The following HYCC1 variants were observed in gnomAD, a reference collection of about 807,000 sequenced individuals.
The protein encoded by HYCC1 is hyccin PI4KA lipid kinase complex subunit 1.
the HYCC1 span, among the ~76,000 whole-genome samples, chr7:22,926,034 T>C: frequency 2.6e-5 from 4 of 152,182 alleles, no homozygotes; most frequent in African/African-American, 9.7e-5. Context: ...TATTCAACAT[T>C]CTTAAAGAAA....
the HYCC1 span, among the ~76,000 whole-genome samples, chr7:22,980,795 G>A: frequency 1.3e-5 from 2 of 152,152 alleles, no homozygotes; most frequent in African/African-American, 2.4e-5. Context: ...GAGACTTTAT[G>A]TAGGTCTTTC....
chr7:22,899,316 G>T, the HYCC1 span, among the ~76,000 whole-genome samples: 2 of 152,186 alleles, frequency 1.3e-5, no homozygotes, highest in Non-Finnish European at 2.9e-5. Context: ...CTCCAAGGAA[G>T]TTGTACAGCA....
At chr7:22,961,423 T>C in the HYCC1 span, 1 of 697,204 alleles carries the variant, frequency 1.4e-6, no homozygotes, top group South Asian at 1.8e-5. Flanking sequence ...AAGATCATAT[T>C]AGCACATTGC....
the HYCC1 span, chr7:22,960,286 A>T: frequency 3.6e-5 from 58 of 1,613,702 alleles, no homozygotes; most frequent in Non-Finnish European, 4.7e-5. Flanking sequence ...CCCCTTATTG[A>T]CATGCTGGTT....
At chr7:22,969,911 G>A in the HYCC1 span, among the ~76,000 whole-genome samples, 1 of 152,156 alleles carries the variant, frequency 6.6e-6, no homozygotes, top group Admixed American at 6.5e-5. Context: ...GGGACATGTT[G>A]ACAGAGATGG....
the HYCC1 span, among the ~76,000 whole-genome samples, chr7:22,923,744 T>C: frequency 1.3e-5 from 2 of 152,004 alleles, no homozygotes; most frequent in East Asian, 1.9e-4. Context: ...AAAGGAAATT[T>C]AGGAATCAAA....
the HYCC1 span, chr7:22,985,734 T>C: frequency 1.3e-5 from 2 of 151,604 alleles, no homozygotes; most frequent in Admixed American, 6.6e-5. Flanking sequence ...AGTAACCTAA[T>C]ACTGGGGGAA....
At chr7:22,945,721 G>A in the HYCC1 span, 1 of 1,613,770 alleles carries the variant, frequency 6.2e-7, no homozygotes, top group Non-Finnish European at 8.5e-7. Context: ...AAAACCTATT[G>A]GCATCTGTCC....
chr7:22,961,271 G>A, the HYCC1 span: 1 of 1,608,562 alleles, frequency 6.2e-7, no homozygotes, highest in Non-Finnish European at 8.5e-7. Context: ...GCTGGGCTCT[G>A]TATATAATAT....
the HYCC1 span, among the ~76,000 whole-genome samples, chr7:23,012,960 T>C: frequency 6.6e-6 from 1 of 152,134 alleles, no homozygotes; most frequent in Admixed American, 6.6e-5. Flanking sequence ...AGATAAGAAG[T>C]AGCTGCCGGT....
At chr7:23,007,507 T>C in the HYCC1 span, among the ~76,000 whole-genome samples, 1 of 152,082 alleles carries the variant, frequency 6.6e-6, no homozygotes, top group African/African-American at 2.4e-5. Context: ...TTGTATTCAG[T>C]CCAAAAAGAC....
the HYCC1 span, chr7:22,985,744 A>G: frequency 3.3e-5 from 5 of 151,516 alleles, no homozygotes; most frequent in African/African-American, 7.2e-5. Flanking sequence ...TACTGGGGGA[A>G]TTTATATAAA....
chr7:22,941,737 A>C, the HYCC1 span: 2 of 152,202 alleles, frequency 1.3e-5, no homozygotes, highest in Non-Finnish European at 2.9e-5. Context: ...TCTCTGATGA[A>C]GAATTTAACA....
the HYCC1 span, chr7:23,013,965 G>T: frequency 8.5e-6 from 4 of 470,850 alleles, no homozygotes; most frequent in Non-Finnish European, 1.8e-5. Context: ...ACCTCGACTC[G>T]TGAGGCTCTC....
the HYCC1 span, chr7:22,991,284 C>T: frequency 5.3e-6 from 3 of 568,460 alleles, no homozygotes; most frequent in Non-Finnish European, 9.2e-6. Context: ...ATTTCAAAAC[C>T]AATGTGCACA....
chr7:22,928,971 T>C, the HYCC1 span, among the ~76,000 whole-genome samples: 1 of 152,136 alleles, frequency 6.6e-6, no homozygotes. Flanking sequence ...CAAAACAGCA[T>C]GGTACTGGTA....
At chr7:22,994,144 T>A in the HYCC1 span, among the ~76,000 whole-genome samples, 5 of 152,180 alleles carry the variant, frequency 3.3e-5, no homozygotes, top group Non-Finnish European at 7.3e-5. Context: ...CATGCTTGGC[T>A]ACAGCAGGTA....
the HYCC1 span, among the ~76,000 whole-genome samples, chr7:23,011,365 T>C: frequency 6.6e-6 from 1 of 152,190 alleles, no homozygotes; most frequent in Non-Finnish European, 1.5e-5. Context: ...GAAGTTCCAC[T>C]GCTTCCTCAA....
At chr7:23,014,105 G>A in the HYCC1 span, 9 of 469,712 alleles carry the variant, frequency 1.9e-5, 1 homozygote, top group South Asian at 3.1e-5. Context: ...CCAGCCGGGA[G>A]AGCCACCACT....
Sources: allele counts gnomAD v4.1 joint callset (sites outside exome capture counted in the v4.1 genomes callset), GRCh38; gene constraint gnomAD v4.1.1; transcripts MANE v1.5; gene names NCBI Gene and HGNC (gene_info 2026-07-23, HGNC 2026-07-21).